Variants in PLA2G4A observed in about 807,000 individuals in gnomAD.
PLA2G4A encodes the protein phospholipase A2 group IVA, also known as cytosolic phospholipase A2.
In PLA2G4A, 40 loss-of-function variants were observed where a neutral mutation model predicts 81.9. The ratio of observed to expected loss-of-function variants is 0.49; its 90% CI spans 0.38 to 0.64. PLA2G4A has a LOEUF of 0.64. Ranked by LOEUF, PLA2G4A falls within the 30% of genes least tolerant of loss-of-function variation. The probability of loss-of-function intolerance (pLI) is 0.00; values close to 1 mark genes in which losing one functional copy is unlikely to be tolerated. For missense variants in PLA2G4A, 715 were observed against 905.1 expected (o/e 0.79, Z 2.69); for synonymous variants, 302 against 296.9 (o/e 1.02, Z -0.18).
intron 2 of PLA2G4A, among the ~76,000 whole-genome samples, chr1:186,860,535 T>G (rs1652760628): frequency 6.6e-6 from 1 of 152,194 alleles, no homozygotes; most frequent in Admixed American, 6.6e-5. Context: ...GAGGGCAATC[T>G]ACTTTACTGA....
At chr1:186,861,095 A>G (rs1652779886) in intron 2 of PLA2G4A, among the ~76,000 whole-genome samples, 1 of 152,158 alleles carries the variant, frequency 6.6e-6, no homozygotes, top group African/African-American at 2.4e-5. Flanking sequence ...TTTAGAGATA[A>G]CTTATTTGCT....
chr1:186,834,134 T>G (rs1171180829), intron 1 of PLA2G4A, among the ~76,000 whole-genome samples: 1 of 152,240 alleles, frequency 6.6e-6, no homozygotes, highest in Admixed American at 6.5e-5. Flanking sequence ...ACTCATGTAT[T>G]TATGATACTC....
At chr1:186,903,995 A>G (rs1347489541) in intron 5 of PLA2G4A, among the ~76,000 whole-genome samples, 1 of 152,170 alleles carries the variant, frequency 6.6e-6, no homozygotes, top group Non-Finnish European at 1.5e-5. Flanking sequence ...TTTAAGCTTC[A>G]CTATTTCAAA....
At chr1:186,979,923 A>G (rs1657660126) in intron 17 of PLA2G4A, among the ~76,000 whole-genome samples, 1 of 150,640 alleles carries the variant, frequency 6.6e-6, no homozygotes. Flanking sequence ...GAGCAGCATC[A>G]CAAAACGTAA....
chr1:186,830,442 T>C (rs1204369707), intron 1 of PLA2G4A, among the ~76,000 whole-genome samples: 3 of 151,698 alleles, frequency 2.0e-5, no homozygotes, highest in Non-Finnish European at 2.9e-5. Flanking sequence ...ACCCCATCTC[T>C]ACTAAAAATA....
chr1:186,837,264 T>G (rs555826888), intron 1 of PLA2G4A, among the ~76,000 whole-genome samples: 1 of 152,130 alleles, frequency 6.6e-6, no homozygotes, highest in East Asian at 1.9e-4. Flanking sequence ...ACAAATGGGA[T>G]GGGAGGAATG....
At chr1:186,848,529 T>G (rs984756692) in intron 1 of PLA2G4A, among the ~76,000 whole-genome samples, 4 of 152,152 alleles carry the variant, frequency 2.6e-5, no homozygotes, top group African/African-American at 9.6e-5. Context: ...TTTTTCTCTT[T>G]TCCTTTTTCT....
Position 186,911,340 on chromosome 1 carries a change from A to C in PLA2G4A, c.509A>C (p.Lys170Thr). ...QRKEHIRESM[K>T]KLLGPKNSEG... is the part of the protein sequence containing the mutation. Reference sequence around the variant, plus strand: ...AAAGAACACATAAGGGAGAGCATGAAGAAACTCTTGGGTCCAAAGAATAGT... The same window carrying C: ...AAAGAACACATAAGGGAGAGCATGACGAAACTCTTGGGTCCAAAGAATAGT... Residue 170 changes from lysine (K) to threonine (T), a missense_variant, in exon 7 of 18, where the codon AAG becomes ACG. By Grantham distance (78) the Lys-to-Thr change is moderately conservative. Coordinates refer to ENST00000367466, the MANE Select transcript of PLA2G4A (RefSeq NM_024420.3). The C allele has an allele frequency of 6.2e-7, 1 of 1,611,512 alleles. No homozygotes were observed.
chr1:186,940,468 A>G (rs941062970), intron 10 of PLA2G4A, among the ~76,000 whole-genome samples: 3 of 152,170 alleles, frequency 2.0e-5, no homozygotes, highest in African/African-American at 4.8e-5. Context: ...AATATGATCT[A>G]CAGTCCTCCC....
At chr1:186,934,291 G>A (rs555833766) in intron 8 of PLA2G4A, among the ~76,000 whole-genome samples, 6 of 151,916 alleles carry the variant, frequency 3.9e-5, no homozygotes, top group Admixed American at 2.6e-4. Flanking sequence ...ACTAGACTTC[G>A]AGTGCTGATT....
chr1:186,949,753 G>A (rs1656486300), intron 12 of PLA2G4A, among the ~76,000 whole-genome samples: 1 of 152,014 alleles, frequency 6.6e-6, no homozygotes, highest in Admixed American at 6.6e-5. Context: ...TGGGCACTGT[G>A]GCTCACACCA....
At chr1:186,879,843 ATAT>A (rs1653661886) in intron 3 of PLA2G4A, among the ~76,000 whole-genome samples, 1 of 106,894 alleles carries the variant, frequency 9.4e-6, no homozygotes, top group East Asian at 2.2e-4. Context: ...ATTTATATAT[ATAT>A]TTTTTTATTA....
intron 16 of PLA2G4A, 115 bp downstream of exon 16, chr1:186,977,903 C>A: frequency 1.3e-6 from 1 of 767,002 alleles, no homozygotes; most frequent in Non-Finnish European, 2.4e-6. Context: ...TTGAATGCTT[C>A]CCTTACCTTG....
intron 1 of PLA2G4A, among the ~76,000 whole-genome samples, chr1:186,845,150 C>T (rs1471841834): frequency 6.6e-6 from 1 of 152,042 alleles, no homozygotes; most frequent in Non-Finnish European, 1.5e-5. Context: ...GCGGAGGTTG[C>T]AGTGAGCCAA....
intron 10 of PLA2G4A, 47 bp from the exon 11 acceptor site, chr1:186,946,590 T>C (rs1656354731): frequency 7.4e-7 from 1 of 1,347,904 alleles, no homozygotes; most frequent in Non-Finnish European, 1.1e-6. Context: ...CACCATGCCA[T>C]AGCATTTTCC....
intron 12 of PLA2G4A, among the ~76,000 whole-genome samples, chr1:186,947,365 A>G (rs1200749777): frequency 6.6e-6 from 1 of 152,134 alleles, no homozygotes; most frequent in Non-Finnish European, 1.5e-5. Context: ...TAACCCTTAA[A>G]TATTAACTCA....
At chr1:186,901,841 T>G (rs1654550245) in intron 5 of PLA2G4A, among the ~76,000 whole-genome samples, 1 of 152,138 alleles carries the variant, frequency 6.6e-6, no homozygotes. Context: ...TTTGTGTGTG[T>G]GGGTTTGGGG....
At chr1:186,957,991 T>TA in intron 14 of PLA2G4A, among the ~76,000 whole-genome samples, 1 of 152,356 alleles carries the variant, frequency 6.6e-6, no homozygotes, top group South Asian at 2.1e-4. Flanking sequence ...GCCTTTTGTT[T>TA]AAGCATCATA....
Position 186,956,199 on chromosome 1 carries a change from A to G in PLA2G4A, c.1434A>G (p.Leu478=), listed in dbSNP as rs758124009. 1.2e-6 allele frequency: 2 copies of G among 1,614,014 alleles called. No homozygotes were observed. Among genetic ancestry groups the G allele is most frequent in the Non-Finnish European group, 1.7e-6 (2 of 1,179,922 alleles). ...MIMALVSDSA[L]FNTREGRAGK... is the part of the protein sequence containing the mutation. ...TGGCCTTGGTGAGTGATTCAGCTTTATTCAATACCAGAGAAGGACGTGCTG... is the reference window on the plus strand; with the variant it reads ...TGGCCTTGGTGAGTGATTCAGCTTTGTTCAATACCAGAGAAGGACGTGCTG... The change falls in exon 14 of 18, where the codon TTA becomes TTG. Residue 478 remains leucine (L), a synonymous_variant. Coordinates refer to ENST00000367466, the MANE Select transcript of PLA2G4A (RefSeq NM_024420.3).
Sources: allele counts gnomAD v4.1 joint callset (sites outside exome capture counted in the v4.1 genomes callset), GRCh38; gene constraint gnomAD v4.1.1; transcripts MANE v1.5; gene names NCBI Gene and HGNC (gene_info 2026-07-23, HGNC 2026-07-21).